WDPCP: variants seen among roughly 807,000 people sequenced by gnomAD.
The protein encoded by WDPCP is WD repeat-containing and planar cell polarity effector protein fritz homolog.
Under a neutral mutation model 93.1 loss-of-function variants are expected in WDPCP, and 71 were observed. That is an observed-to-expected ratio of 0.76 (90% CI 0.63 to 0.93). The LOEUF (loss-of-function observed/expected upper bound fraction) is 0.93, where lower values mean the gene tolerates loss of function less well. Among genes scored for constraint, WDPCP ranks in the 40% least tolerant of loss-of-function variants. WDPCP has a pLI of 0.00. For missense variants in WDPCP, 844 were observed against 887.4 expected, an observed-to-expected ratio of 0.95 and a Z score of 0.62; for synonymous variants, 315 against 315.0, an observed-to-expected ratio of 1.00 and a Z score of 0.00.
chr2:63,433,699 T>C, intron 9 of WDPCP, 46 bp downstream of exon 9: 1 of 1,474,280 alleles, frequency 6.8e-7, no homozygotes, highest in Non-Finnish European at 9.2e-7. Flanking sequence ...AATAATTCTA[T>C]TTTATTTACA....
At chr2:63,385,881 G>T (rs895820629) in intron 10 of WDPCP, among the ~76,000 whole-genome samples, 2 of 151,960 alleles carry the variant, frequency 1.3e-5, no homozygotes, top group Non-Finnish European at 2.9e-5. Flanking sequence ...AAAGCCACAG[G>T]AATCAAGTCA....
chr2:63,779,301 A>C (rs1670353574), intron 2 of WDPCP, among the ~76,000 whole-genome samples: 1 of 152,172 alleles, frequency 6.6e-6, no homozygotes. Context: ...TATCGTATAA[A>C]TGACTACTTT....
intron 14 of WDPCP, among the ~76,000 whole-genome samples, chr2:63,257,115 C>T (rs923182602): frequency 6.6e-6 from 1 of 152,166 alleles, no homozygotes; most frequent in Middle Eastern, 3.2e-3. Flanking sequence ...AGATTATCAT[C>T]ATCCAGCTTT....
intron 13 of WDPCP, among the ~76,000 whole-genome samples, chr2:63,297,917 A>G (rs1041161652): frequency 6.6e-6 from 1 of 152,192 alleles, no homozygotes; most frequent in Non-Finnish European, 1.5e-5. Flanking sequence ...GAAGAATAGC[A>G]TGATTGGTAT....
chr2:63,238,981 G>T (rs1214504544), intron 14 of WDPCP, among the ~76,000 whole-genome samples: 1 of 152,076 alleles, frequency 6.6e-6, no homozygotes, highest in Non-Finnish European at 1.5e-5. Context: ...CTACCAACAT[G>T]GTCACTGAAC....
At chr2:63,708,428 G>T (rs937802673) in intron 2 of WDPCP, among the ~76,000 whole-genome samples, 7 of 152,258 alleles carry the variant, frequency 4.6e-5, no homozygotes, top group South Asian at 4.1e-4. Context: ...TTCCGAGCCA[G>T]GTGTGGGATA....
intron 13 of WDPCP, among the ~76,000 whole-genome samples, chr2:63,261,173 G>T (rs567901171): frequency 4.3e-5 from 3 of 70,282 alleles, no homozygotes; most frequent in Admixed American, 3.9e-4. Context: ...ACTGTCGAAA[G>T]GTTTTTTTTT....
chr2:63,391,920 T>C (rs537222658), intron 10 of WDPCP, among the ~76,000 whole-genome samples: 2 of 152,300 alleles, frequency 1.3e-5, no homozygotes, highest in South Asian at 4.2e-4. Context: ...TCCATGCTCA[T>C]GGATAGGAAG....
At chr2:63,591,700 A>G (rs1709204608), upstream of WDPCP, among the ~76,000 whole-genome samples, 1 of 152,212 alleles carries the variant, frequency 6.6e-6, no homozygotes, top group Middle Eastern at 3.2e-3. Context: ...TGGAAATGCA[A>G]ATCCATATCA....
At chr2:63,798,256 G>A (rs576019512) in intron 2 of WDPCP, among the ~76,000 whole-genome samples, 6 of 152,272 alleles carry the variant, frequency 3.9e-5, no homozygotes, top group African/African-American at 1.4e-4. Context: ...TGGTAATTAA[G>A]TACACAGAAA....
At chr2:63,407,916 G>T (rs1309152255) in intron 9 of WDPCP, among the ~76,000 whole-genome samples, 1 of 152,132 alleles carries the variant, frequency 6.6e-6, no homozygotes, top group African/African-American at 2.4e-5. Flanking sequence ...CTCACAAAGG[G>T]GCAGCCTAAA....
At chr2:63,674,426 C>T (rs1710379880) in intron 2 of WDPCP, among the ~76,000 whole-genome samples, 1 of 152,088 alleles carries the variant, frequency 6.6e-6, no homozygotes. Context: ...GGACATTATG[C>T]TAAGTGAAAT....
chr2:63,428,199 A>C (rs1193630781), intron 9 of WDPCP, among the ~76,000 whole-genome samples: 2 of 151,580 alleles, frequency 1.3e-5, no homozygotes, highest in African/African-American at 4.9e-5. Flanking sequence ...AAAAAAAAAA[A>C]ATTGAGGAGG....
intron 2 of WDPCP, among the ~76,000 whole-genome samples, chr2:63,801,176 GCAGTCAAT>G (rs1380615151): frequency 6.6e-6 from 1 of 152,194 alleles, no homozygotes; most frequent in Non-Finnish European, 1.5e-5. Flanking sequence ...TCATAACTTT[GCAGTCAAT>G]CTGTCAGCTG....
chr2:63,499,217 T>C (rs1308184696), intron 1 of WDPCP, among the ~76,000 whole-genome samples: 1 of 152,058 alleles, frequency 6.6e-6, no homozygotes, highest in Non-Finnish European at 1.5e-5. Context: ...CATTTGAGGA[T>C]TGTCAGATTT....
intron 12 of WDPCP, among the ~76,000 whole-genome samples, chr2:63,341,276 G>A (rs914237984): frequency 2.0e-5 from 3 of 152,038 alleles, no homozygotes; most frequent in African/African-American, 4.8e-5. Flanking sequence ...CTACAGGAGC[G>A]CACCACCATG....
intron 2 of WDPCP, among the ~76,000 whole-genome samples, chr2:63,652,162 G>T (rs1259855117): frequency 6.6e-6 from 1 of 152,182 alleles, no homozygotes; most frequent in Non-Finnish European, 1.5e-5. Flanking sequence ...TTTGCAGAAG[G>T]CTTCTGTGAA....
chr2:63,437,363 T>C, intron 8 of WDPCP, 58 bp downstream of exon 8: 1 of 1,339,868 alleles, frequency 7.5e-7, no homozygotes, highest in Non-Finnish European at 1.0e-6. Flanking sequence ...CCAACTTATG[T>C]GATACTCTCA....
intron 12 of WDPCP, among the ~76,000 whole-genome samples, chr2:63,315,889 A>C (rs893901680): frequency 1.3e-5 from 2 of 151,990 alleles, no homozygotes; most frequent in African/African-American, 4.8e-5. Flanking sequence ...GAGTCTCCTA[A>C]GCAGCTGTGA....
Sources: gnomAD v4.1 joint callset for allele counts (sites outside exome capture counted in the v4.1 genomes callset) on GRCh38, gnomAD v4.1.1 for gene constraint, MANE v1.5 for transcripts, NCBI Gene and HGNC (gene_info 2026-07-23, HGNC 2026-07-21) for gene names.